The following LRP1B variants were observed in gnomAD, a reference collection of about 807,000 sequenced individuals.
LRP1B encodes LDL receptor related protein 1B.
A neutral mutation model predicts 556.6 loss-of-function variants in LRP1B; 217 were observed. That is an observed-to-expected ratio of 0.39 (90% CI 0.35 to 0.44). The LOEUF (loss-of-function observed/expected upper bound fraction) is 0.44, where lower values mean the gene tolerates loss of function less well. LRP1B is among the 20% of genes least tolerant of loss of function. The probability of loss-of-function intolerance (pLI) is 1.00; values close to 1 mark genes in which losing one functional copy is unlikely to be tolerated. For missense variants in LRP1B, 5,053 were observed against 5,620.8 expected (o/e 0.90, Z 3.23); for synonymous variants, 2,047 against 1,865.8 (o/e 1.10, Z -2.50).
intron 3 of LRP1B, among the ~76,000 whole-genome samples, chr2:141,260,519 A>T (rs538179856): frequency 6.6e-6 from 1 of 152,082 alleles, no homozygotes; most frequent in Non-Finnish European, 1.5e-5. Context: ...AAACATTACG[A>T]GTTATTACCA....
intron 18 of LRP1B, among the ~76,000 whole-genome samples, chr2:140,977,696 C>T (rs760836977): frequency 4.6e-5 from 7 of 152,080 alleles, no homozygotes; most frequent in Non-Finnish European, 8.8e-5. Context: ...CTGAGACTGA[C>T]TGGATCAGAG....
intron 52 of LRP1B, among the ~76,000 whole-genome samples, chr2:140,509,433 G>A (rs548272204): frequency 1.2e-4 from 18 of 152,052 alleles, no homozygotes; most frequent in African/African-American, 4.1e-4. Flanking sequence ...AGCTTCATTC[G>A]GCTATATCCA....
At chr2:141,543,790 A>G (rs6744340) in intron 2 of LRP1B, among the ~76,000 whole-genome samples, 147,912 of 152,056 alleles carry the variant, frequency 0.97, 72,074 homozygotes, top group East Asian at 1. Context: ...ATGGAGCACA[A>G]TAATTTTGAG....
chr2:141,602,876 C>G (rs1191471492), intron 2 of LRP1B, among the ~76,000 whole-genome samples: 2 of 152,176 alleles, frequency 1.3e-5, no homozygotes, highest in African/African-American at 4.8e-5. Context: ...TGATGTTAAT[C>G]TTACCTGTTT....
chr2:142,028,284 C>G (rs953482120), intron 1 of LRP1B, among the ~76,000 whole-genome samples: 2 of 151,938 alleles, frequency 1.3e-5, no homozygotes, highest in African/African-American at 4.8e-5. Flanking sequence ...ATAATTAGGT[C>G]GTGTAACAGT....
At chr2:141,535,617 G>A (rs934562851) in intron 2 of LRP1B, among the ~76,000 whole-genome samples, 3 of 151,856 alleles carry the variant, frequency 2.0e-5, no homozygotes, top group African/African-American at 2.4e-5. Context: ...ACTAAAGCAA[G>A]TTAACAGAAA....
intron 1 of LRP1B, among the ~76,000 whole-genome samples, chr2:141,965,828 T>C (rs1701549641): frequency 6.7e-6 from 1 of 149,990 alleles, no homozygotes; most frequent in South Asian, 2.1e-4. Context: ...ATTGTTTTTT[T>C]TTTAAGAAAA....
intron 3 of LRP1B, among the ~76,000 whole-genome samples, chr2:141,436,785 G>C (rs1411821305): frequency 6.6e-6 from 1 of 152,142 alleles, no homozygotes; most frequent in African/African-American, 2.4e-5. Flanking sequence ...TCAAAATAGA[G>C]GAGGTGGGAG....
chr2:140,752,535 G>T (rs1298254362), intron 35 of LRP1B, among the ~76,000 whole-genome samples: 1 of 151,986 alleles, frequency 6.6e-6, no homozygotes, highest in East Asian at 2.0e-4. Context: ...ATATTGGCCA[G>T]GCTGGTCTCA....
chr2:140,267,327 C>G (rs1304160570), intron 86 of LRP1B, among the ~76,000 whole-genome samples: 1 of 151,958 alleles, frequency 6.6e-6, no homozygotes, highest in Non-Finnish European at 1.5e-5. Context: ...GTATAGTCAT[C>G]TTCAGTATCT....
At chr2:141,521,013 C>T (rs1405552075) in intron 2 of LRP1B, among the ~76,000 whole-genome samples, 2 of 151,982 alleles carry the variant, frequency 1.3e-5, no homozygotes, top group Non-Finnish European at 2.9e-5. Context: ...ACAATTCATG[C>T]TCAGCATCTC....
intron 32 of LRP1B, among the ~76,000 whole-genome samples, chr2:140,810,517 G>T (rs1222871604): frequency 6.6e-6 from 1 of 151,858 alleles, no homozygotes; most frequent in African/African-American, 2.4e-5. Flanking sequence ...CAGCAAGTAG[G>T]CCATCACATT....
chr2:140,534,951 G>C (rs185895277), intron 46 of LRP1B, among the ~76,000 whole-genome samples: 23 of 152,252 alleles, frequency 1.5e-4, no homozygotes, highest in Non-Finnish European at 2.8e-4. Context: ...TAGCAGGTTT[G>C]GGAACAAAGA....
At chr2:141,946,377 G>A (rs1350987130) in intron 1 of LRP1B, among the ~76,000 whole-genome samples, 1 of 152,190 alleles carries the variant, frequency 6.6e-6, no homozygotes, top group African/African-American at 2.4e-5. Context: ...AAGTGCCTCT[G>A]TTGTTGTCTG....
chr2:141,162,057 T>C (rs1680059708), intron 7 of LRP1B, among the ~76,000 whole-genome samples: 1 of 152,060 alleles, frequency 6.6e-6, no homozygotes, highest in Non-Finnish European at 1.5e-5. Context: ...AATTTCAAGA[T>C]TCCTTTCTGT....
Position 140,308,399 on chromosome 2 carries a change from A to G in LRP1B, c.12805+6536T>C, listed in dbSNP as rs139371294. Among the ~76,000 whole-genome samples, 607 of 152,004 alleles carry G rather than the reference A, an allele frequency of 4.0e-3. 3 individuals carry two copies. Among genetic ancestry groups the G allele is most frequent in the Middle Eastern group, 0.014 (4 of 292 alleles). ...TGATTGCCAAAAAGGAATGCTAGCAAAAGTAATTCCTTCTGAGCTTTCTGT... is the reference window on the plus strand; with the variant it reads ...TGATTGCCAAAAAGGAATGCTAGCAGAAGTAATTCCTTCTGAGCTTTCTGT... On this transcript the variant is annotated intron_variant, in intron 83 of 90. Coordinates refer to ENST00000389484, the MANE Select transcript of LRP1B (RefSeq NM_018557.3).
chr2:140,738,049 C>A (rs895605535), intron 35 of LRP1B, among the ~76,000 whole-genome samples: 2 of 152,076 alleles, frequency 1.3e-5, no homozygotes, highest in African/African-American at 4.8e-5. Flanking sequence ...TCACTGAAAC[C>A]CAGAGATCAG....
chr2:141,810,147 A>AAG, intron 2 of LRP1B, 132 bp downstream of exon 2: 2 of 475,226 alleles, frequency 4.2e-6, no homozygotes, highest in Non-Finnish European at 6.2e-6. Flanking sequence ...GAAAGAAAGA[A>AAG]AGAAAGAAAG....
chr2:140,989,411 C>T lies in LRP1B; in HGVS notation c.2770+121G>A, dbSNP rs1697021332. On this transcript the variant is annotated intron_variant, in intron 17 of 90. Transcript: ENST00000389484. ...TGGCATCAAACTCTGAATTCATTTACTACTGCAATAATCAGATCATCAGCA... is the reference window on the plus strand; with the variant it reads ...TGGCATCAAACTCTGAATTCATTTATTACTGCAATAATCAGATCATCAGCA... 5 of 1,004,568 alleles carry T rather than the reference C, an allele frequency of 5.0e-6. No homozygotes were observed. The East Asian group carries it at 1.2e-4, about 25-fold the overall frequency. The allele number at this position is 1,004,568 out of a possible 1,614,324, so 62.2% of individuals were successfully genotyped here.
Sources: allele counts gnomAD v4.1 joint callset (sites outside exome capture counted in the v4.1 genomes callset), GRCh38; gene constraint gnomAD v4.1.1; transcripts MANE v1.5; gene names NCBI Gene and HGNC (gene_info 2026-07-23, HGNC 2026-07-21).